OTOP1: variants seen among roughly 807,000 people sequenced by gnomAD.
OTOP1 encodes the protein otopetrin 1.
Under a neutral mutation model 52.9 loss-of-function variants are expected in OTOP1, and 59 were observed. The ratio of observed to expected loss-of-function variants is 1.12; its 90% CI spans 0.91 to 1.39. The LOEUF (loss-of-function observed/expected upper bound fraction) is 1.39. Ranked by LOEUF, OTOP1 falls within the 40% of genes most tolerant of loss-of-function variation. The probability of loss-of-function intolerance (pLI) is 0.00; values close to 1 mark genes in which losing one functional copy is unlikely to be tolerated. For missense variants in OTOP1, 761 were observed against 800.9 expected, an observed-to-expected ratio of 0.95 and a Z score of 0.60; for synonymous variants, 317 against 337.7, an observed-to-expected ratio of 0.94 and a Z score of 0.67.
chr4:4,224,903 C>A (rs1277817792), intron 1 of OTOP1, among the ~76,000 whole-genome samples: 1 of 152,146 alleles, frequency 6.6e-6, no homozygotes, highest in Non-Finnish European at 1.5e-5. Flanking sequence ...TGGCATCTGG[C>A]CAGGACCTTT....
intron 3 of OTOP1, among the ~76,000 whole-genome samples, chr4:4,204,728 G>C (rs1716859026): frequency 5.8e-5 from 1 of 17,112 alleles, no homozygotes. Context: ...GTGTGTGTGT[G>C]TGTGTGTGTG....
rs1217926548 is a variant in OTOP1, at chr4:4,226,409, T to A, written c.403+53A>T. The A allele has an allele frequency of 8.7e-6, 12 of 1,377,508 alleles. No individual in the cohort carries two copies. In the East Asian group the frequency reaches 1.5e-4, roughly 17 times the overall value. The allele number at this position is 1,377,508 out of a possible 1,614,324, so 85.3% of individuals were successfully genotyped here. A position where few individuals can be genotyped will look rare whatever the true frequency, so the allele number is the denominator to read the frequency against. Reference sequence around the variant, plus strand: ...GGAAGGGCGCAGAGCAGCCTCAGGATGCAGCCAGCGGGCGAGGAGGCGGAG... The same window carrying A: ...GGAAGGGCGCAGAGCAGCCTCAGGAAGCAGCCAGCGGGCGAGGAGGCGGAG... On this transcript the variant is annotated intron_variant, in intron 1 of 5. Transcript: ENST00000296358.
At chr4:4,216,718 C>T (rs1717160029) in intron 1 of OTOP1, among the ~76,000 whole-genome samples, 1 of 152,072 alleles carries the variant, frequency 6.6e-6, no homozygotes, top group South Asian at 2.1e-4. Flanking sequence ...GTTTTAATTA[C>T]AAAAAAACAT....
intron 5 of OTOP1, among the ~76,000 whole-genome samples, chr4:4,190,318 C>G (rs1476137343): frequency 6.6e-6 from 1 of 152,064 alleles, no homozygotes; most frequent in Non-Finnish European, 1.5e-5. Context: ...ACTAAAAATA[C>G]AAAAAATTAG....
chr4:4,192,660 C>T (rs1183048073), intron 5 of OTOP1, among the ~76,000 whole-genome samples: 1 of 152,154 alleles, frequency 6.6e-6, no homozygotes, highest in Non-Finnish European at 1.5e-5. Context: ...TCCTCCATCT[C>T]CAACATAGTA....
At chr4:4,219,566 G>A (rs1318178641) in intron 1 of OTOP1, among the ~76,000 whole-genome samples, 1 of 151,948 alleles carries the variant, frequency 6.6e-6, no homozygotes, top group East Asian at 1.9e-4. Context: ...GCCGGGCGTG[G>A]TGGCGGGTGC....
intron 3 of OTOP1, among the ~76,000 whole-genome samples, chr4:4,202,892 C>T (rs1043761762): frequency 6.6e-6 from 1 of 152,196 alleles, no homozygotes; most frequent in South Asian, 2.1e-4. Flanking sequence ...TAAAAGCAGA[C>T]AACCCACCCC....
At position 4,197,450 on chromosome 4, in the gene OTOP1, G is replaced by A. The variant is rs773806898; in HGVS notation, c.1384C>T (p.Arg462Trp). ...TTGCCATTGCAGACTGTGACCACCC[G>A]AAGGGTTTGGATGTCCTCAGAGAGT... ...EKLSEDIQTL[R>W]VVTVCNGNTM... Residue 462 changes from arginine to tryptophan, a missense_variant, in exon 5 of 6, where the codon CGG becomes TGG. Arg to Trp is a moderately radical substitution (Grantham distance 101). Coordinates refer to ENST00000296358, the MANE Select transcript of OTOP1 (RefSeq NM_177998.3). 8.1e-6 allele frequency: 13 copies of A among 1,613,990 alleles called. No homozygotes were observed. The highest frequency in any genetic ancestry group is 5.0e-5 in the Admixed American group (3 of 59,994).
intron 4 of OTOP1, among the ~76,000 whole-genome samples, chr4:4,202,181 T>C (rs944026580): frequency 6.6e-5 from 10 of 152,294 alleles, no homozygotes; most frequent in Non-Finnish European, 1.0e-4. Flanking sequence ...AACTGGACCA[T>C]GAGAAATGGC....
At chr4:4,206,249 C>T in intron 2 of OTOP1, 119 bp from the exon 3 acceptor site, 1 of 733,228 alleles carries the variant, frequency 1.4e-6, no homozygotes, top group Non-Finnish European at 2.2e-6. Flanking sequence ...ACATCAGTGA[C>T]CTCCTACTCC....
intron 4 of OTOP1, among the ~76,000 whole-genome samples, chr4:4,198,679 C>T (rs1395153427): frequency 6.6e-6 from 1 of 152,134 alleles, no homozygotes; most frequent in Admixed American, 6.5e-5. Context: ...AGACAGGCGC[C>T]GTCCGATATC....
intron 1 of OTOP1, among the ~76,000 whole-genome samples, chr4:4,225,221 A>T (rs1241320488): frequency 6.6e-6 from 1 of 152,180 alleles, no homozygotes; most frequent in South Asian, 2.1e-4. Flanking sequence ...CTTCACAAGC[A>T]TGCTCCCCAT....
At chr4:4,216,531 C>T (rs1156380308) in intron 1 of OTOP1, among the ~76,000 whole-genome samples, 2 of 152,192 alleles carry the variant, frequency 1.3e-5, no homozygotes, top group African/African-American at 2.4e-5. Flanking sequence ...GCCTCAGAAG[C>T]CTCCTCTGAA....
chr4:4,209,350 A>G (rs2108801797), intron 2 of OTOP1, among the ~76,000 whole-genome samples: 1 of 152,174 alleles, frequency 6.6e-6, no homozygotes, highest in East Asian at 1.9e-4. Context: ...ACTTTTTTCC[A>G]TTCTCCAGTC....
At chr4:4,220,095 A>T (rs1327432100) in intron 1 of OTOP1, among the ~76,000 whole-genome samples, 21 of 98,184 alleles carry the variant, frequency 2.1e-4, no homozygotes, top group African/African-American at 7.5e-4. Context: ...ATATATATAT[A>T]TATATATATA....
intron 5 of OTOP1, among the ~76,000 whole-genome samples, chr4:4,190,087 G>A (rs974587764): frequency 9.9e-5 from 15 of 152,192 alleles, no homozygotes; most frequent in Admixed American, 2.0e-4. Flanking sequence ...GCCTTCATTA[G>A]TATCCCATAC....
intron 1 of OTOP1, among the ~76,000 whole-genome samples, chr4:4,215,888 G>T (rs1413665403): frequency 6.6e-6 from 1 of 152,022 alleles, no homozygotes; most frequent in African/African-American, 2.4e-5. Context: ...CCACCTCCTG[G>T]GTTCAAGTGA....
At chr4:4,203,859 C>G (rs1716841338) in intron 3 of OTOP1, among the ~76,000 whole-genome samples, 1 of 152,200 alleles carries the variant, frequency 6.6e-6, no homozygotes, top group African/African-American at 2.4e-5. Context: ...TTGGGTGGGT[C>G]CCCTGCCTGG....
intron 3 of OTOP1, 95 bp downstream of exon 3, chr4:4,205,977 G>C: frequency 8.9e-7 from 1 of 1,125,714 alleles, no homozygotes; most frequent in South Asian, 1.3e-5. Flanking sequence ...GAGTTGGTCT[G>C]TTTTTATAAC....
Sources: gnomAD v4.1 joint callset for allele counts (sites outside exome capture counted in the v4.1 genomes callset) on GRCh38, gnomAD v4.1.1 for gene constraint, MANE v1.5 for transcripts, NCBI Gene and HGNC (gene_info 2026-07-23, HGNC 2026-07-21) for gene names.